Variants in GPC5 observed in about 807,000 individuals in gnomAD.
GPC5 encodes glypican 5.
GPC5 carries 47 observed loss-of-function variants against 53.9 expected under a neutral mutation model. The observed-to-expected ratio is 0.87, with a 90% CI of 0.69 to 1.11. The LOEUF (loss-of-function observed/expected upper bound fraction) is 1.11. GPC5 is among the 50% of genes most tolerant of loss of function. The pLI is 0.00. For synonymous variants in GPC5, 286 were observed against 263.3 expected, an observed-to-expected ratio of 1.09 and a Z score of -0.84; for missense variants, 748 against 713.1, an observed-to-expected ratio of 1.05 and a Z score of -0.56.
intron 7 of GPC5, among the ~76,000 whole-genome samples, chr13:92,390,459 G>C (rs1874943292): frequency 6.6e-6 from 1 of 152,128 alleles, no homozygotes; most frequent in Non-Finnish European, 1.5e-5. Context: ...GGGTGATGGA[G>C]ACATTTGTGT....
chr13:92,445,199 C>T (rs763619101), intron 7 of GPC5, among the ~76,000 whole-genome samples: 12 of 139,056 alleles, frequency 8.6e-5, no homozygotes, highest in African/African-American at 2.5e-4. Flanking sequence ...CTCCTTTCCC[C>T]TCCTCTCCCC....
chr13:92,716,219 T>TAGA (rs1888323303), intron 7 of GPC5, among the ~76,000 whole-genome samples: 1 of 152,116 alleles, frequency 6.6e-6, no homozygotes, highest in Non-Finnish European at 1.5e-5. Flanking sequence ...TGAATATTCT[T>TAGA]TCATGTTTAT....
intron 5 of GPC5, among the ~76,000 whole-genome samples, chr13:91,869,305 C>G (rs1024864538): frequency 6.6e-6 from 1 of 151,950 alleles, no homozygotes; most frequent in African/African-American, 2.4e-5. Context: ...ATGATCCACC[C>G]GCCTCAGCCT....
At chr13:92,383,272 C>T (rs1043560424) in intron 7 of GPC5, among the ~76,000 whole-genome samples, 5 of 152,064 alleles carry the variant, frequency 3.3e-5, no homozygotes, top group Admixed American at 2.6e-4. Context: ...TGTAACAGAA[C>T]TAAATGTTAA....
intron 7 of GPC5, among the ~76,000 whole-genome samples, chr13:92,146,543 A>G (rs1019502589): frequency 5.3e-5 from 8 of 152,074 alleles, no homozygotes; most frequent in African/African-American, 1.2e-4. Flanking sequence ...TTTGGGGAAA[A>G]CAGGTAATGT....
chr13:92,760,506 G>A (rs891655899), intron 7 of GPC5, among the ~76,000 whole-genome samples: 3 of 151,696 alleles, frequency 2.0e-5, no homozygotes, highest in Non-Finnish European at 2.9e-5. Flanking sequence ...TTTCTGTGGT[G>A]TCTGTTGTAG....
intron 7 of GPC5, chr13:92,241,691 T>G (rs764042091): frequency 6.6e-6 from 1 of 152,176 alleles, no homozygotes; most frequent in Non-Finnish European, 1.5e-5. Context: ...ATTGTCACCT[T>G]TCAGTGGAAA....
At chr13:92,006,879 G>C (rs1252894148) in intron 6 of GPC5, among the ~76,000 whole-genome samples, 1 of 151,500 alleles carries the variant, frequency 6.6e-6, no homozygotes, top group Non-Finnish European at 1.5e-5. Context: ...CCACTCATTA[G>C]TTAATTAACT....
chr13:91,408,278 T>C (rs1344871114), intron 1 of GPC5, among the ~76,000 whole-genome samples: 1 of 152,186 alleles, frequency 6.6e-6, no homozygotes, highest in Non-Finnish European at 1.5e-5. Flanking sequence ...AGATCAACCT[T>C]TTTAGATTCT....
chr13:91,877,456 A>G (rs1015678614), intron 5 of GPC5, among the ~76,000 whole-genome samples: 1 of 152,234 alleles, frequency 6.6e-6, no homozygotes, highest in Non-Finnish European at 1.5e-5. Flanking sequence ...ACCAGGAGTC[A>G]AAGGAGATCA....
intron 2 of GPC5, among the ~76,000 whole-genome samples, chr13:91,668,364 A>C (rs1439159203): frequency 3.3e-5 from 5 of 152,220 alleles, no homozygotes; most frequent in Non-Finnish European, 5.9e-5. Context: ...ATAGCATTGA[A>C]ATGTAGTGAA....
intron 2 of GPC5, among the ~76,000 whole-genome samples, chr13:91,456,346 A>G (rs1248921762): frequency 1.3e-5 from 2 of 151,682 alleles, no homozygotes; most frequent in Non-Finnish European, 2.9e-5. Context: ...CCAAATGTTA[A>G]CTTTTTTTTT....
chr13:92,427,478 TGA>T (rs34301965), intron 7 of GPC5, among the ~76,000 whole-genome samples: 9 of 150,528 alleles, frequency 6.0e-5, no homozygotes, highest in African/African-American at 9.8e-5. Context: ...GAGGGAATGG[TGA>T]GAGAGAGAGT....
chr13:92,414,662 G>T (rs1876201548), intron 7 of GPC5, among the ~76,000 whole-genome samples: 1 of 152,104 alleles, frequency 6.6e-6, no homozygotes, highest in African/African-American at 2.4e-5. Context: ...GTTTGTTTGG[G>T]TTGTTATAAC....
At chr13:91,445,514 C>T (rs1040254153) in intron 1 of GPC5, among the ~76,000 whole-genome samples, 3 of 152,124 alleles carry the variant, frequency 2.0e-5, no homozygotes, top group African/African-American at 7.2e-5. Context: ...TTGCTCTGTC[C>T]CCCAGACTCG....
chr13:91,707,620 C>T (rs966766267), intron 3 of GPC5, among the ~76,000 whole-genome samples: 1 of 151,170 alleles, frequency 6.6e-6, no homozygotes, highest in African/African-American at 2.4e-5. Flanking sequence ...GGCCCTGTCT[C>T]AAAAAAAATA....
chr13:92,670,811 C>G (rs998424642), intron 7 of GPC5, among the ~76,000 whole-genome samples: 6 of 152,146 alleles, frequency 3.9e-5, no homozygotes, highest in Non-Finnish European at 8.8e-5. Flanking sequence ...TTTTCAAATT[C>G]TGTGTGACAT....
At chr13:92,398,953 T>C (rs1318801715) in intron 7 of GPC5, among the ~76,000 whole-genome samples, 2 of 152,024 alleles carry the variant, frequency 1.3e-5, no homozygotes, top group Non-Finnish European at 2.9e-5. Flanking sequence ...CCTCCTACAC[T>C]CCCAGTAGCC....
chr13:91,916,226 TG>T (rs1451214749), intron 6 of GPC5, among the ~76,000 whole-genome samples: 7 of 151,966 alleles, frequency 4.6e-5, no homozygotes, highest in Non-Finnish European at 4.4e-5. Flanking sequence ...GCAACCACTA[TG>T]GAAAAAAAAA....
Sources: gnomAD v4.1 joint callset for allele counts (sites outside exome capture counted in the v4.1 genomes callset) on GRCh38, gnomAD v4.1.1 for gene constraint, MANE v1.5 for transcripts, NCBI Gene and HGNC (gene_info 2026-07-23, HGNC 2026-07-21) for gene names.